ATP6V0E1: variants seen among roughly 807,000 people sequenced by gnomAD.
ATP6V0E1 encodes V-type proton ATPase subunit e 1.
ATP6V0E1 carries 4 observed loss-of-function variants against 11.6 expected under a neutral mutation model. The ratio of observed to expected loss-of-function variants is 0.35; its 90% CI spans 0.17 to 0.79. ATP6V0E1 has a LOEUF of 0.79. Among genes scored for constraint, ATP6V0E1 ranks in the 30% least tolerant of loss-of-function variants. The pLI is 0.54. For missense variants in ATP6V0E1, 105 were observed against 100.0 expected (o/e 1.05, Z -0.21); for synonymous variants, 36 against 34.8 (o/e 1.04, Z -0.13).
chr5:172,984,185 C>A (rs917793802), intron 1 of ATP6V0E1, among the ~76,000 whole-genome samples: 1 of 152,100 alleles, frequency 6.6e-6, no homozygotes, highest in African/African-American at 2.4e-5. Flanking sequence ...TGGTGGACCC[C>A]CCTTGGAAAC....
At chr5:173,027,640 A>T (rs1756584377) in intron 3 of ATP6V0E1, among the ~76,000 whole-genome samples, 4 of 151,686 alleles carry the variant, frequency 2.6e-5, no homozygotes, top group Non-Finnish European at 5.9e-5. Flanking sequence ...GTTTTAATAG[A>T]TGGGGGTCTC....
At position 173,035,309 on chromosome 5, in the gene ATP6V0E1, A is replaced by G. The variant is rs1375884989; in HGVS notation, c.*947A>G. 6.6e-6 allele frequency: 1 copy of G among 152,248 alleles called. No individual in the cohort carries two copies. Among genetic ancestry groups the G allele is most frequent in the Non-Finnish European group, 1.5e-5 (1 of 68,038 alleles). 9.4% of individuals were successfully genotyped at this position (152,248 alleles called of 1,614,324 possible). On this transcript the variant is annotated 3_prime_UTR_variant, in exon 4 of 4. Coordinates refer to ENST00000519374, the MANE Select transcript of ATP6V0E1 (RefSeq NM_003945.4). ...CCATCACAGCCTCAGACATAGGACT[A>G]AAGAAGTCAAGAGTGATTAAAAAGC...
At chr5:173,019,554 A>G (rs1756450383) in intron 2 of ATP6V0E1, among the ~76,000 whole-genome samples, 1 of 142,796 alleles carries the variant, frequency 7.0e-6, no homozygotes, top group Non-Finnish European at 1.5e-5. Context: ...ACTCCATCTC[A>G]AAAAAAAAAA....
intron 3 of ATP6V0E1, among the ~76,000 whole-genome samples, chr5:173,025,473 A>G (rs1246932263): frequency 7.3e-6 from 1 of 137,278 alleles, no homozygotes; most frequent in African/African-American, 2.7e-5. Context: ...AATAACAGTA[A>G]CTTTTATTAT....
chr5:172,987,549 G>A (rs184146697), intron 1 of ATP6V0E1, among the ~76,000 whole-genome samples: 159 of 152,146 alleles, frequency 1.0e-3, no homozygotes, highest in South Asian at 2.1e-3. Flanking sequence ...CTCCCAAAGT[G>A]CTGAGATTAC....
chr5:172,986,808 A>C (rs1581622707), intron 1 of ATP6V0E1: 1 of 428,186 alleles, frequency 2.3e-6, no homozygotes, highest in East Asian at 7.7e-5. Context: ...TTTGTTTTTG[A>C]GACAGAGTCT....
chr5:173,003,031 C>CT (rs996783972), intron 2 of ATP6V0E1, among the ~76,000 whole-genome samples: 6 of 151,866 alleles, frequency 4.0e-5, no homozygotes, highest in Admixed American at 2.6e-4. Flanking sequence ...TTTTTTCTTT[C>CT]TTTTTTTTAA....
intron 2 of ATP6V0E1, among the ~76,000 whole-genome samples, chr5:173,014,201 A>C (rs1756370984): frequency 6.6e-6 from 1 of 151,618 alleles, no homozygotes; most frequent in Non-Finnish European, 1.5e-5. Context: ...AACAGATGCC[A>C]GCAAGGATGC....
chr5:172,995,826 C>G (rs1756056928), intron 2 of ATP6V0E1, among the ~76,000 whole-genome samples: 1 of 152,110 alleles, frequency 6.6e-6, no homozygotes, highest in East Asian at 1.9e-4. Context: ...GTTACCCAGG[C>G]TGGTCTTGAA....
chr5:172,990,622 T>G (rs936863594), intron 1 of ATP6V0E1, among the ~76,000 whole-genome samples: 14 of 150,542 alleles, frequency 9.3e-5, no homozygotes, highest in African/African-American at 2.2e-4. Flanking sequence ...TGGTCGGGAG[T>G]TCAAGACCAG....
intron 2 of ATP6V0E1, among the ~76,000 whole-genome samples, chr5:173,014,288 G>T (rs1461050387): frequency 1.3e-5 from 2 of 151,962 alleles, no homozygotes; most frequent in African/African-American, 4.8e-5. Flanking sequence ...ATAGAAACCA[G>T]TATAGAAAAT....
intron 3 of ATP6V0E1, among the ~76,000 whole-genome samples, chr5:173,028,226 C>T (rs1011989115): frequency 1.3e-5 from 2 of 152,318 alleles, no homozygotes; most frequent in South Asian, 2.1e-4. Context: ...ATAGTGGTAT[C>T]GTAACCTAAG....
rs1554119522 is a variant in ATP6V0E1 at position 173,017,856 on chromosome 5, A to AAAAAG, written c.153-2368_153-2364dup. ...ACTCCTTCTCAAAAAAAAAAAAAAAAAAAAGAAAAGAAAAGAAAGGGATTC... is the reference window on the plus strand; with the variant it reads ...ACTCCTTCTCAAAAAAAAAAAAAAAAAAAAGAAAAGAAAAGAAAAGAAAGGGATTC... On this transcript the variant is annotated intron_variant, in intron 2 of 3. Transcript: ENST00000519374. Among the ~76,000 whole-genome samples the AAAAAG allele has an allele frequency of 1.7e-3, 249 of 146,192 alleles. 5 individuals carry two copies. Among genetic ancestry groups the AAAAAG allele is most frequent in the African/African-American group, 4.7e-3 (174 of 36,806 alleles).
intron 3 of ATP6V0E1, among the ~76,000 whole-genome samples, chr5:173,033,902 A>G (rs1267293151): frequency 6.6e-6 from 1 of 152,142 alleles, no homozygotes; most frequent in Non-Finnish European, 1.5e-5. Context: ...TTAAGCTGCT[A>G]GAAAAAGAAA....
chr5:173,031,207 G>A (rs906377466), intron 3 of ATP6V0E1, among the ~76,000 whole-genome samples: 2 of 151,688 alleles, frequency 1.3e-5, no homozygotes, highest in Admixed American at 6.6e-5. Flanking sequence ...GCTTCCCAAA[G>A]TGCTGGGATT....
In ATP6V0E1 at chr5:173,017,533, T is replaced by TAA. The variant is rs750496072; in HGVS notation, c.153-2688_153-2687dup. 9.3e-3 allele frequency among the ~76,000 whole-genome samples: 587 copies of TAA among 62,806 alleles called. 10 individuals carry two copies. The highest frequency in any genetic ancestry group is 0.031 in the African/African-American group (548 of 17,820). 41.2% of individuals were successfully genotyped at this position (62,806 alleles called of 152,430 possible). The stretch of plus-strand genomic sequence containing the variant: ...TGGGTGACGAGAGTGAGACTTCGTC[T>TAA]AAAAAAAAAAAAAAAAAAGCGATTC... On this transcript the variant is annotated intron_variant, in intron 2 of 3. Transcript: ENST00000519374.
chr5:172,987,618 A>G (rs1333915112), intron 1 of ATP6V0E1, among the ~76,000 whole-genome samples: 1 of 152,048 alleles, frequency 6.6e-6, no homozygotes, highest in Non-Finnish European at 1.5e-5. Context: ...CTATACTTAG[A>G]ATGAAGTGTT....
intron 2 of ATP6V0E1, among the ~76,000 whole-genome samples, chr5:173,012,270 G>A (rs1232697414): frequency 6.6e-6 from 1 of 151,746 alleles, no homozygotes; most frequent in African/African-American, 2.4e-5. Flanking sequence ...GACCTCAGGT[G>A]ATCCGCCCGC....
At chr5:173,007,045 G>A (rs1282358092) in intron 2 of ATP6V0E1, among the ~76,000 whole-genome samples, 1 of 152,070 alleles carries the variant, frequency 6.6e-6, no homozygotes, top group African/African-American at 2.4e-5. Context: ...AAAAAGGAAA[G>A]GTATTTCAAG....
Sources: gnomAD v4.1 joint callset for allele counts (sites outside exome capture counted in the v4.1 genomes callset) on GRCh38, gnomAD v4.1.1 for gene constraint, MANE v1.5 for transcripts, NCBI Gene and HGNC (gene_info 2026-07-23, HGNC 2026-07-21) for gene names.